FAM76B: variants seen among roughly 807,000 people sequenced by gnomAD.
The protein encoded by FAM76B is protein FAM76B.
FAM76B carries 16 observed loss-of-function variants against 51.8 expected under a neutral mutation model. The observed-to-expected ratio is 0.31, with a 90% CI of 0.21 to 0.47. The LOEUF is 0.47. Ranked by LOEUF, FAM76B falls within the 20% of genes least tolerant of loss-of-function variation. The pLI, the probability that FAM76B is intolerant of heterozygous loss-of-function variation, is 1.00. For synonymous variants in FAM76B, 166 were observed against 129.5 expected, an observed-to-expected ratio of 1.28 and a Z score of -1.91; for missense variants, 342 against 392.6, an observed-to-expected ratio of 0.87 and a Z score of 1.09.
chr11:95,771,785 T>A, intron 9 of FAM76B, 135 bp from the exon 10 acceptor site: 1 of 652,048 alleles, frequency 1.5e-6, no homozygotes, highest in Non-Finnish European at 2.5e-6. Flanking sequence ...ATGAAAGAGT[T>A]GATACCTTTA....
intron 8 of FAM76B, among the ~76,000 whole-genome samples, chr11:95,778,020 C>T (rs986615418): frequency 6.6e-6 from 1 of 151,330 alleles, no homozygotes; most frequent in African/African-American, 2.4e-5. Context: ...ATCATCAAAA[C>T]CATCACTTCA....
At chr11:95,774,131 A>C (rs1859892492) in intron 9 of FAM76B, among the ~76,000 whole-genome samples, 1 of 151,304 alleles carries the variant, frequency 6.6e-6, no homozygotes, top group Non-Finnish European at 1.5e-5. Flanking sequence ...GATGAAATAG[A>C]AAACCTGAGG....
intron 4 of FAM76B, among the ~76,000 whole-genome samples, chr11:95,785,725 A>C (rs1860534983): frequency 6.6e-6 from 1 of 152,250 alleles, no homozygotes; most frequent in Non-Finnish European, 1.5e-5. Context: ...CAACAGTTTC[A>C]AATATGAGCC....
intron 9 of FAM76B, among the ~76,000 whole-genome samples, chr11:95,774,975 T>C (rs941298221): frequency 7.4e-5 from 11 of 148,000 alleles, no homozygotes; most frequent in East Asian, 2.0e-4. Flanking sequence ...AAGAAAGAAA[T>C]AGCAAATATC....
Position 95,770,493 on chromosome 11 carries a change from T to A in FAM76B, c.*1068A>T, listed in dbSNP as rs867465883. ...ATCATTGCAGAAACATTAAAATTTT[T>A]AAAAAATTTTATAAAATATAAAGCA... On this transcript the variant is annotated 3_prime_UTR_variant, in exon 10 of 10. Coordinates refer to ENST00000358780, the MANE Select transcript of FAM76B (RefSeq NM_144664.5). 2.6e-5 allele frequency: 4 copies of A among 151,762 alleles called. No homozygotes were observed. The highest frequency in any genetic ancestry group is 9.7e-5 in the African/African-American group (4 of 41,374). 9.4% of individuals were successfully genotyped at this position (151,762 alleles called of 1,614,324 possible). A position where few individuals can be genotyped will look rare whatever the true frequency, so the allele number is the denominator to read the frequency against.
chr11:95,788,872 C>T, intron 1 of FAM76B: 15 of 1,376,094 alleles, frequency 1.1e-5, no homozygotes, highest in Non-Finnish European at 1.1e-5. Flanking sequence ...TGCTCACAGA[C>T]AGCATCCAGG....
intron 1 of FAM76B, 79 bp downstream of exon 1, chr11:95,789,313 C>A (rs374277423): frequency 1.1e-4 from 161 of 1,445,802 alleles, no homozygotes; most frequent in Non-Finnish European, 1.5e-4. Context: ...CGAAGAGGGG[C>A]TGCAGTGCAG....
At chr11:95,779,585 C>T (rs754696972) in intron 7 of FAM76B, 22 bp downstream of exon 7, 2 of 1,587,372 alleles carry the variant, frequency 1.3e-6, no homozygotes, top group Non-Finnish European at 1.7e-6. Context: ...ATTTTCATAA[C>T]ACTAAAAGAA....
At chr11:95,788,957 G>A (rs1860785157) in intron 1 of FAM76B, 1 of 1,348,734 alleles carries the variant, frequency 7.4e-7, no homozygotes, top group African/African-American at 1.5e-5. Flanking sequence ...CCTGGACAGG[G>A]AAGAAGGATG....
intron 1 of FAM76B, 133 bp downstream of exon 1, chr11:95,789,259 T>C: frequency 9.6e-7 from 1 of 1,040,886 alleles, no homozygotes; most frequent in Non-Finnish European, 1.4e-6. Flanking sequence ...GGTCCCCGAG[T>C]GGGGAGGCGA....
At chr11:95,789,328 T>C (rs1245855766) in intron 1 of FAM76B, 64 bp downstream of exon 1, 15 of 1,511,438 alleles carry the variant, frequency 9.9e-6, no homozygotes, top group Non-Finnish European at 1.3e-5. Flanking sequence ...GTGCAGCGGC[T>C]ACCCGGCCCC....
At chr11:95,789,313 C>G in intron 1 of FAM76B, 79 bp downstream of exon 1, 2 of 1,445,920 alleles carry the variant, frequency 1.4e-6, no homozygotes, top group East Asian at 2.5e-5. Context: ...CGAAGAGGGG[C>G]TGCAGTGCAG....
At position 95,789,446 on chromosome 11, in the gene FAM76B, C is replaced by G. The variant is rs374511303; in HGVS notation, c.33G>C (p.Lys11Asn). The G allele has an allele frequency of 5.0e-6, 8 of 1,609,794 alleles. No individual in the cohort carries two copies. The highest frequency in any genetic ancestry group is 6.8e-6 in the Non-Finnish European group (8 of 1,178,258). Reference protein sequence around the residue: MAASALYACTKCTQRYPFEEL... With the variant: MAASALYACTNCTQRYPFEEL... Reference sequence around the variant, plus strand: ...CCTCGAAAGGATAACGCTGGGTACACTTGGTGCAGGCGTACAGGGCCGAGG... The same window carrying G: ...CCTCGAAAGGATAACGCTGGGTACAGTTGGTGCAGGCGTACAGGGCCGAGG... The change falls in exon 1 of 10, where the codon AAG becomes AAC. Residue 11 changes from lysine to asparagine, a missense_variant. Around this residue, in one of 3 missense-constraint regions of FAM76B, gnomAD observed 96 missense variants for 94.7 expected, o/e 1.01. Coordinates refer to ENST00000358780, the MANE Select transcript of FAM76B (RefSeq NM_144664.5).
chr11:95,789,038 A>T, intron 1 of FAM76B: 1 of 1,384,746 alleles, frequency 7.2e-7, no homozygotes, highest in Non-Finnish European at 9.5e-7. Flanking sequence ...TGGTGGAAGA[A>T]GAGGACAGAC....
In FAM76B at chr11:95,770,306, A is replaced by G. The variant is rs1038306213; in HGVS notation, c.*1255T>C. On this transcript the variant is annotated 3_prime_UTR_variant, in exon 10 of 10. Coordinates refer to ENST00000358780, the MANE Select transcript of FAM76B (RefSeq NM_144664.5). ...TTAAAGACTTTAGGACAATTTACTTATAATGCCTGAATCTTATAGTAGATT... is the reference window on the plus strand; with the variant it reads ...TTAAAGACTTTAGGACAATTTACTTGTAATGCCTGAATCTTATAGTAGATT... 1.3e-5 allele frequency: 2 copies of G among 151,894 alleles called. No individual in the cohort carries two copies. The highest frequency in any genetic ancestry group is 2.1e-4 in the South Asian group (1 of 4,834). The allele number at this position is 151,894 out of a possible 1,614,324, so 9.4% of individuals were successfully genotyped here. A position where few individuals can be genotyped will look rare whatever the true frequency, so the allele number is the denominator to read the frequency against.
In FAM76B at chr11:95,789,713, AG is replaced by A. The variant is rs1860898696; in HGVS notation, c.-236del. ...GACGCCGTGCCAGCCGCTCCCGCTT[AG>A]GCCCCGATAGCGGCGGAGGGAGACG... On this transcript the variant is annotated 5_prime_UTR_variant, in exon 1 of 10. Transcript: ENST00000358780. 1 of 491,150 alleles carries A rather than the reference AG, an allele frequency of 2.0e-6. No homozygotes were observed. The highest frequency in any genetic ancestry group is 3.6e-6 in the Non-Finnish European group (1 of 280,740). The allele number at this position is 491,150 out of a possible 1,614,324, so 30.4% of individuals were successfully genotyped here. A position where few individuals can be genotyped will look rare whatever the true frequency, so the allele number is the denominator to read the frequency against.
At chr11:95,775,318 G>T (rs1333452273) in intron 9 of FAM76B, among the ~76,000 whole-genome samples, 1 of 151,434 alleles carries the variant, frequency 6.6e-6, no homozygotes, top group Non-Finnish European at 1.5e-5. Flanking sequence ...TATTACTGTG[G>T]TGACTCTTGA....
rs757486610 is a variant in FAM76B, at chr11:95,771,621, G to A, written c.960C>T (p.Val320=). The change falls in exon 10 of 10, where the codon GTC becomes GTT. Residue 320 remains valine (V), a synonymous_variant. Transcript: ENST00000358780. ...ATTTTTTACCCTTTGATAATGCTGCGACCTGTTTGAGTAGTTCTCTGTTTT... is the reference window on the plus strand; with the variant it reads ...ATTTTTTACCCTTTGATAATGCTGCAACCTGTTTGAGTAGTTCTCTGTTTT... ...QAKNRELLKQ[V]AALSKGKKFD... is the part of the protein sequence containing the mutation. 11 of 1,606,942 alleles carry A rather than the reference G, an allele frequency of 6.8e-6. No homozygotes were observed. Among genetic ancestry groups the A allele is most frequent in the Admixed American group, 5.0e-5 (3 of 59,674 alleles).
At chr11:95,776,074 C>T (rs779633978) in intron 8 of FAM76B, 51 bp from the exon 9 acceptor site, 5 of 959,900 alleles carry the variant, frequency 5.2e-6, no homozygotes, top group Non-Finnish European at 7.4e-6. Flanking sequence ...CATACACACA[C>T]ACACCATTTT....
Sources: gnomAD v4.1 joint callset for allele counts (sites outside exome capture counted in the v4.1 genomes callset) on GRCh38, gnomAD v4.1.1 for gene constraint, gnomAD v4.1.1 regional missense constraint, MANE v1.5 for transcripts, NCBI Gene and HGNC (gene_info 2026-07-23, HGNC 2026-07-21) for gene names.